Variants in BCAS3 observed in about 807,000 individuals in gnomAD.
BCAS3 encodes the protein BCAS3 microtubule associated cell migration factor.
Under a neutral mutation model 116.1 loss-of-function variants are expected in BCAS3, and 53 were observed. The observed-to-expected ratio is 0.46, with a 90% CI of 0.37 to 0.57. BCAS3 has a LOEUF of 0.57. Among genes scored for constraint, BCAS3 ranks in the 20% least tolerant of loss-of-function variants. BCAS3 has a pLI of 0.00. For synonymous variants in BCAS3, 391 were observed against 408.2 expected (o/e 0.96, Z 0.51); for missense variants, 917 against 1,165.4 (o/e 0.79, Z 3.10).
rs73326805 is a variant in BCAS3, at chr17:61,156,355, G to A, written c.2425+71791G>A. Reference sequence around the variant, plus strand: ...CTTTCCCTCTTCATTTTCTGAGTTCGGGAGAAAGGTGGACTTTTGTTTTAT... The same window carrying A: ...CTTTCCCTCTTCATTTTCTGAGTTCAGGAGAAAGGTGGACTTTTGTTTTAT... On this transcript the variant is annotated intron_variant, in intron 22 of 23. Coordinates refer to ENST00000407086, the MANE Select transcript of BCAS3 (RefSeq NM_017679.5). The surrounding 1 kb of genome is among the most constrained non-coding windows in gnomAD (Gnocchi z 4.7). Among the ~76,000 whole-genome samples, 2,121 of 152,182 alleles carry A rather than the reference G, an allele frequency of 0.014. 59 individuals are homozygous for A. The highest frequency in any genetic ancestry group is 0.048 in the African/African-American group (2,011 of 41,470).
Position 61,086,904 on chromosome 17 carries a change from G to A in BCAS3, c.2425+2340G>A, listed in dbSNP as rs1397537944. ...ATATATGTTAACGCATTTTTTGAGT[G>A]AATAATGTTTTGTCGTGGAATGTCC... is the stretch of plus-strand genomic sequence containing the variant. On this transcript the variant is annotated intron_variant, in intron 22 of 23. Coordinates refer to ENST00000407086, the MANE Select transcript of BCAS3 (RefSeq NM_017679.5). 8 of 985,196 alleles carry A rather than the reference G, an allele frequency of 8.1e-6. No individual in the cohort carries two copies. The East Asian group carries it at 9.1e-4, about 112-fold the overall frequency. The allele number at this position is 985,196 out of a possible 1,614,324, so 61.0% of individuals were successfully genotyped here. A position where few individuals can be genotyped will look rare whatever the true frequency, so the allele number is the denominator to read the frequency against.
rs536733503 is a variant in BCAS3 at position 61,063,039 on chromosome 17, A to G, written c.2030-11881A>G. ...AAGCTTTGGCTAATTTTCTCAAAGC[A>G]TTCTCATAATCAACAGATGTTATTA... On this transcript the variant is annotated intron_variant, in intron 19 of 23. Coordinates refer to ENST00000407086, the MANE Select transcript of BCAS3 (RefSeq NM_017679.5). This position sits in a 1 kb window ranked among gnomAD's most constrained non-coding sequence, Gnocchi z 5.3. 3.9e-5 allele frequency among the ~76,000 whole-genome samples: 6 copies of G among 152,272 alleles called. No homozygotes were observed. In the South Asian group the frequency reaches 6.2e-4, roughly 16 times the overall value.
At chr17:61,290,590 G>A (rs973522899) in intron 22 of BCAS3, among the ~76,000 whole-genome samples, 1 of 152,080 alleles carries the variant, frequency 6.6e-6, no homozygotes, top group African/African-American at 2.4e-5. Context: ...AACGAAAAAC[G>A]ACAGAGAATT....
intron 22 of BCAS3, among the ~76,000 whole-genome samples, chr17:61,197,117 A>G (rs1018839505): frequency 1.3e-5 from 2 of 152,242 alleles, no homozygotes; most frequent in South Asian, 4.1e-4. Context: ...ACCATGAGGC[A>G]AAGTATTATT....
At chr17:60,690,487 T>G (rs2034661483) in intron 4 of BCAS3, among the ~76,000 whole-genome samples, 1 of 151,000 alleles carries the variant, frequency 6.6e-6, no homozygotes, top group Admixed American at 6.6e-5. Flanking sequence ...GGAGGATTGC[T>G]TGAGCCTGGG....
chr17:60,858,334 C>A (rs62082892), intron 7 of BCAS3, among the ~76,000 whole-genome samples: 1 of 151,970 alleles, frequency 6.6e-6, no homozygotes, highest in Non-Finnish European at 1.5e-5. Context: ...TTCCTCCTTT[C>A]CCTCTCTCTT....
At chr17:60,946,562 T>C (rs1217297351) in intron 13 of BCAS3, among the ~76,000 whole-genome samples, 1 of 152,070 alleles carries the variant, frequency 6.6e-6, no homozygotes, top group East Asian at 1.9e-4. Context: ...CTTGAAGAAA[T>C]TGCAAAAGAG....
At chr17:61,301,927 C>T (rs1209754057) in intron 22 of BCAS3, among the ~76,000 whole-genome samples, 2 of 152,074 alleles carry the variant, frequency 1.3e-5, no homozygotes, top group African/African-American at 4.8e-5. Flanking sequence ...CCTTTCCGCC[C>T]CCTCACAAAT....
chr17:61,170,524 C>T (rs538505278), intron 22 of BCAS3, among the ~76,000 whole-genome samples: 2 of 151,948 alleles, frequency 1.3e-5, no homozygotes, highest in African/African-American at 2.4e-5. Flanking sequence ...GATCTCCTGA[C>T]CTCATGATCT....
intron 22 of BCAS3, among the ~76,000 whole-genome samples, chr17:61,314,733 T>G (rs1410154056): frequency 2.0e-5 from 3 of 152,156 alleles, no homozygotes; most frequent in African/African-American, 4.8e-5. Context: ...AAAACACAGG[T>G]CTTATCTCCC....
At position 61,196,938 on chromosome 17, in the gene BCAS3, A is replaced by G. The variant is rs1395177202; in HGVS notation, c.2425+112374A>G. 6.6e-6 allele frequency among the ~76,000 whole-genome samples: 1 copy of G among 152,230 alleles called. No individual in the cohort carries two copies. Among genetic ancestry groups the G allele is most frequent in the African/African-American group, 2.4e-5 (1 of 41,456 alleles). ...CCCAAACACTTATGTAGAACATTCAATGCTAGAGAAGATAATAATTGTGGT... is the reference window on the plus strand; with the variant it reads ...CCCAAACACTTATGTAGAACATTCAGTGCTAGAGAAGATAATAATTGTGGT... On this transcript the variant is annotated intron_variant, in intron 22 of 23. Coordinates refer to ENST00000407086, the MANE Select transcript of BCAS3 (RefSeq NM_017679.5). This position sits in a 1 kb window ranked among gnomAD's most constrained non-coding sequence, Gnocchi z 4.7.
chr17:60,873,086 ATGGAATTTACAAT>A (rs2055279449), intron 8 of BCAS3, among the ~76,000 whole-genome samples: 1 of 152,170 alleles, frequency 6.6e-6, no homozygotes, highest in Non-Finnish European at 1.5e-5. Flanking sequence ...CAGAACAGAA[ATGGAATTTACAAT>A]TGAGTAATTC....
chr17:61,009,310 A>G (rs1456015961), intron 15 of BCAS3, among the ~76,000 whole-genome samples: 1 of 152,102 alleles, frequency 6.6e-6, no homozygotes, highest in East Asian at 1.9e-4. Flanking sequence ...ATGTCTAATG[A>G]CAACAGAAGG....
Position 61,229,043 on chromosome 17 carries a change from G to A in BCAS3, c.2426-139284G>A, listed in dbSNP as rs1251228511. Among the ~76,000 whole-genome samples the A allele has an allele frequency of 1.3e-5, 2 of 152,224 alleles. No homozygotes were observed. The highest frequency in any genetic ancestry group is 2.4e-5 in the African/African-American group (1 of 41,462). ...GAAAGTAAAACAGCCTTGCTTCTGAGATGGAGAAAGTTTTAGTTGTCTGGA... is the reference window on the plus strand; with the variant it reads ...GAAAGTAAAACAGCCTTGCTTCTGAAATGGAGAAAGTTTTAGTTGTCTGGA... On this transcript the variant is annotated intron_variant, in intron 22 of 23. Transcript: ENST00000407086. This position sits in a 1 kb window ranked among gnomAD's most constrained non-coding sequence, Gnocchi z 4.4.
chr17:61,292,989 A>G (rs1289884256), intron 22 of BCAS3, among the ~76,000 whole-genome samples: 1 of 152,216 alleles, frequency 6.6e-6, no homozygotes, highest in Non-Finnish European at 1.5e-5. Flanking sequence ...GAAGAAGGTT[A>G]TTTATGGGGG....
intron 6 of BCAS3, among the ~76,000 whole-genome samples, chr17:60,753,433 G>A (rs1266171597): frequency 1.7e-5 from 2 of 117,718 alleles, no homozygotes; most frequent in Admixed American, 8.9e-5. Flanking sequence ...ATTTAGAGAC[G>A]GAGTCTTGCT....
Position 61,087,170 on chromosome 17 carries a change from G to A in BCAS3, c.2425+2606G>A. On this transcript the variant is annotated intron_variant, in intron 22 of 23. Coordinates refer to ENST00000407086, the MANE Select transcript of BCAS3 (RefSeq NM_017679.5). This position sits in a 1 kb window ranked among gnomAD's most constrained non-coding sequence, Gnocchi z 4.6. Reference sequence around the variant, plus strand: ...AAGTGCACCTCTGATTATGATCCATGCATTGGAGTCAGCTGCACATCAGGA... The same window carrying A: ...AAGTGCACCTCTGATTATGATCCATACATTGGAGTCAGCTGCACATCAGGA... The A allele has an allele frequency of 4.1e-6, 4 of 985,464 alleles. No individual in the cohort carries two copies. Among genetic ancestry groups the A allele is most frequent in the Non-Finnish European group, 4.8e-6 (4 of 829,922 alleles). 61.0% of individuals were successfully genotyped at this position (985,464 alleles called of 1,614,324 possible).
chr17:60,859,580 T>C (rs2053981723), intron 7 of BCAS3, among the ~76,000 whole-genome samples: 1 of 151,886 alleles, frequency 6.6e-6, no homozygotes, highest in Non-Finnish European at 1.5e-5. Context: ...ACATTTTTTT[T>C]TTTTTGAGAT....
intron 11 of BCAS3, among the ~76,000 whole-genome samples, chr17:60,904,567 C>T (rs768696962): frequency 1.3e-5 from 2 of 152,050 alleles, no homozygotes; most frequent in African/African-American, 4.8e-5. Flanking sequence ...TGCTGTGCCT[C>T]GTGCCTGTAA....
Sources: allele counts gnomAD v4.1 joint callset (sites outside exome capture counted in the v4.1 genomes callset), GRCh38; gene constraint gnomAD v4.1.1; non-coding constraint Gnocchi (gnomAD v3.1); transcripts MANE v1.5; gene names NCBI Gene and HGNC (gene_info 2026-07-23, HGNC 2026-07-21).